ZNF521: variants seen among roughly 807,000 people sequenced by gnomAD.
The protein encoded by ZNF521 is LYST-interacting protein 3.
ZNF521 carries 14 observed loss-of-function variants against 105.5 expected under a neutral mutation model. That is an observed-to-expected ratio of 0.13 (90% confidence interval 0.09 to 0.21). The LOEUF (loss-of-function observed/expected upper bound fraction) is 0.21. Among genes scored for constraint, ZNF521 ranks in the 10% least tolerant of loss-of-function variants. ZNF521 has a pLI of 1.00. For missense variants in ZNF521, 1,233 were observed against 1,629.7 expected (o/e 0.76, Z 4.19); for synonymous variants, 635 against 606.0 (o/e 1.05, Z -0.70).
chr18:25,276,576 G>C (rs1033489256), intron 3 of ZNF521, among the ~76,000 whole-genome samples: 6 of 152,196 alleles, frequency 3.9e-5, no homozygotes, highest in Non-Finnish European at 8.8e-5. Flanking sequence ...GAAGTACTTA[G>C]GGGTCCCACC....
rs184864446 is a variant in ZNF521, at chr18:25,101,819, T to A, written c.3659-9738A>T. 3.5e-3 allele frequency among the ~76,000 whole-genome samples: 531 copies of A among 152,276 alleles called. 3 individuals carry two copies. The highest frequency in any genetic ancestry group is 5.5e-3 in the Non-Finnish European group (371 of 68,010). On this transcript the variant is annotated intron_variant, in intron 5 of 7. Transcript: ENST00000361524. ...GAACTCAACAACATTCATCTCTGGA[T>A]AGAATGCTGGTAATTTTCTGTAGCT...
intron 2 of ZNF521, among the ~76,000 whole-genome samples, chr18:25,348,151 G>A (rs1914543021): frequency 6.6e-6 from 1 of 152,156 alleles, no homozygotes; most frequent in African/African-American, 2.4e-5. Flanking sequence ...ATAGCAAAGT[G>A]TTGTTCACTG....
At position 25,266,093 on chromosome 18, in the gene ZNF521, T is replaced by C. The variant is rs9954704; in HGVS notation, c.221-38396A>G. Among the ~76,000 whole-genome samples the C allele has an allele frequency of 4.0e-3, 606 of 152,200 alleles. 8 individuals are homozygous for C. Among genetic ancestry groups the C allele is most frequent in the African/African-American group, 0.014 (579 of 41,536 alleles). On this transcript the variant is annotated intron_variant, in intron 3 of 7. Transcript: ENST00000361524. ...GAGGATGGTTAATAGGTACAAAACA[T>C]AGAATGAATGAATAAGACTTAGTAT...
intron 5 of ZNF521, among the ~76,000 whole-genome samples, chr18:25,098,344 T>A (rs1209889276): frequency 6.6e-6 from 1 of 152,146 alleles, no homozygotes; most frequent in Non-Finnish European, 1.5e-5. Flanking sequence ...CCTTCTTTTC[T>A]TCTTCACATT....
At chr18:25,138,002 A>G (rs2034769275) in intron 5 of ZNF521, among the ~76,000 whole-genome samples, 1 of 152,142 alleles carries the variant, frequency 6.6e-6, no homozygotes, top group Admixed American at 6.6e-5. Context: ...TCAATTTCTC[A>G]GGTCTTTCTT....
chr18:25,071,006 T>C (rs2033207064), intron 7 of ZNF521, among the ~76,000 whole-genome samples: 1 of 152,086 alleles, frequency 6.6e-6, no homozygotes, highest in African/African-American at 2.4e-5. Context: ...CAGGTTTAAA[T>C]TAGAGGTCAG....
chr18:25,086,589 T>C (rs1385983837), intron 7 of ZNF521, among the ~76,000 whole-genome samples: 1 of 152,134 alleles, frequency 6.6e-6, no homozygotes, highest in African/African-American at 2.4e-5. Context: ...GACTGTGTAG[T>C]CAATATCTCA....
chr18:25,248,964 C>G (rs1294568359), intron 3 of ZNF521, among the ~76,000 whole-genome samples: 1 of 152,160 alleles, frequency 6.6e-6, no homozygotes, highest in Non-Finnish European at 1.5e-5. Context: ...ATGAGTTGTT[C>G]AATGCAGCAG....
intron 4 of ZNF521, among the ~76,000 whole-genome samples, chr18:25,199,656 T>A (rs2035959302): frequency 2.0e-5 from 3 of 152,134 alleles, no homozygotes; most frequent in African/African-American, 7.2e-5. Flanking sequence ...AAAATCTAGG[T>A]GTATACATGA....
intron 7 of ZNF521, among the ~76,000 whole-genome samples, chr18:25,067,861 T>C (rs1314830930): frequency 1.3e-5 from 2 of 152,180 alleles, no homozygotes; most frequent in Admixed American, 6.5e-5. Context: ...ATCGGCAAAA[T>C]GTTACGTATC....
At chr18:25,242,148 T>C (rs1907381274) in intron 3 of ZNF521, among the ~76,000 whole-genome samples, 1 of 152,212 alleles carries the variant, frequency 6.6e-6, no homozygotes, top group Non-Finnish European at 1.5e-5. Context: ...ATTGCCTTTT[T>C]CCTATTATTC....
chr18:25,062,994 C>T (rs554128875), intron 7 of ZNF521, among the ~76,000 whole-genome samples: 1 of 152,254 alleles, frequency 6.6e-6, no homozygotes, highest in South Asian at 2.1e-4. Flanking sequence ...CTGCTGTCAC[C>T]CATGAGGGCC....
At chr18:25,113,205 G>C (rs143316155) in intron 5 of ZNF521, among the ~76,000 whole-genome samples, 70 of 152,038 alleles carry the variant, frequency 4.6e-4, no homozygotes, top group African/African-American at 1.6e-3. Flanking sequence ...TTCACTTCCC[G>C]ATGCTTCCCA....
chr18:25,327,660 T>C, intron 2 of ZNF521: 2 of 519,434 alleles, frequency 3.9e-6, no homozygotes, highest in South Asian at 2.8e-5. Context: ...TTTTGTGCTT[T>C]CTGGGCTCTA....
At chr18:25,153,863 T>A (rs1464686278) in intron 5 of ZNF521, among the ~76,000 whole-genome samples, 1 of 152,130 alleles carries the variant, frequency 6.6e-6, no homozygotes, top group Non-Finnish European at 1.5e-5. Context: ...GGTTCACCAG[T>A]CGTAATATCA....
At chr18:25,322,263 CA>C in intron 2 of ZNF521, 76 bp from the exon 3 acceptor site, 3 of 1,441,032 alleles carry the variant, frequency 2.1e-6, no homozygotes, top group Non-Finnish European at 2.0e-6. Flanking sequence ...TTCTTGCTAC[CA>C]AAAACAGAAA....
chr18:25,158,880 C>T (rs1220393127), intron 5 of ZNF521, among the ~76,000 whole-genome samples: 1 of 151,702 alleles, frequency 6.6e-6, no homozygotes, highest in Non-Finnish European at 1.5e-5. Flanking sequence ...CACTTGAACC[C>T]AGAAGGTGGA....
chr18:25,097,935 A>G (rs899944109), intron 5 of ZNF521, among the ~76,000 whole-genome samples: 3 of 152,124 alleles, frequency 2.0e-5, no homozygotes, highest in African/African-American at 7.2e-5. Flanking sequence ...AAATGATTCA[A>G]CTGGGGTAGG....
intron 5 of ZNF521, among the ~76,000 whole-genome samples, chr18:25,163,135 G>C (rs969870275): frequency 7.9e-5 from 12 of 151,998 alleles, no homozygotes; most frequent in African/African-American, 2.2e-4. Context: ...ATGAACCAAG[G>C]TTTATATACC....
Sources: allele counts gnomAD v4.1 joint callset (sites outside exome capture counted in the v4.1 genomes callset), GRCh38; gene constraint gnomAD v4.1.1; transcripts MANE v1.5; gene names NCBI Gene and HGNC (gene_info 2026-07-23, HGNC 2026-07-21).